Variants in CMTM7 observed in about 807,000 individuals in gnomAD.
CMTM7 encodes the protein CKLF like MARVEL transmembrane domain containing 7.
In CMTM7, 7 loss-of-function variants were observed where a neutral mutation model predicts 19.3. The observed-to-expected ratio is 0.36, with a 90% confidence interval of 0.21 to 0.68. CMTM7 has a LOEUF of 0.68. Among genes scored for constraint, CMTM7 ranks in the 30% least tolerant of loss-of-function variants. CMTM7 has a pLI of 0.60. For synonymous variants in CMTM7, 87 were observed against 99.3 expected, an observed-to-expected ratio of 0.88 and a Z score of 0.74; for missense variants, 193 against 232.6, an observed-to-expected ratio of 0.83 and a Z score of 1.11.
At chr3:32,396,225 G>T (rs1236290748) in intron 1 of CMTM7, among the ~76,000 whole-genome samples, 2 of 152,130 alleles carry the variant, frequency 1.3e-5, no homozygotes, top group Middle Eastern at 3.2e-3. Flanking sequence ...TGGTGATGGT[G>T]CCAGGTGCGG....
At chr3:32,440,926 A>C (rs1241938374) in intron 1 of CMTM7, among the ~76,000 whole-genome samples, 1 of 152,184 alleles carries the variant, frequency 6.6e-6, no homozygotes, top group Non-Finnish European at 1.5e-5. Flanking sequence ...TACTCATTCT[A>C]CTTTCTTGTA....
At chr3:32,448,704 A>G (rs559928249) in intron 2 of CMTM7, among the ~76,000 whole-genome samples, 1 of 152,238 alleles carries the variant, frequency 6.6e-6, no homozygotes, top group East Asian at 1.9e-4. Context: ...AGGTGGAACC[A>G]GTCCTGCCAG....
At chr3:32,408,919 T>C (rs1696131683) in intron 1 of CMTM7, among the ~76,000 whole-genome samples, 1 of 152,096 alleles carries the variant, frequency 6.6e-6, no homozygotes, top group Non-Finnish European at 1.5e-5. Context: ...AGTCTCGCTC[T>C]GTCGCCAGGC....
intron 1 of CMTM7, among the ~76,000 whole-genome samples, chr3:32,426,079 A>AG (rs1696427786): frequency 6.6e-6 from 1 of 152,224 alleles, no homozygotes. Flanking sequence ...TGGGAGGCAG[A>AG]GTTTGCGGTG....
chr3:32,395,109 T>C (rs1471738974), intron 1 of CMTM7, among the ~76,000 whole-genome samples: 2 of 149,770 alleles, frequency 1.3e-5, no homozygotes, highest in African/African-American at 2.5e-5. Context: ...GGCTCGGCGA[T>C]TGTCCCACCT....
chr3:32,429,663 C>A (rs1238089601), intron 1 of CMTM7, among the ~76,000 whole-genome samples: 1 of 147,574 alleles, frequency 6.8e-6, no homozygotes, highest in South Asian at 2.2e-4. Context: ...TGCAGTGGCG[C>A]GATCTTGGCT....
intron 1 of CMTM7, among the ~76,000 whole-genome samples, chr3:32,441,553 G>A (rs944276465): frequency 1.7e-4 from 26 of 152,160 alleles, no homozygotes; most frequent in African/African-American, 6.3e-4. Context: ...TTGTTTTCCT[G>A]CTTCTTCTGA....
chr3:32,408,886 A>G (rs975583314), intron 1 of CMTM7, among the ~76,000 whole-genome samples: 2 of 151,714 alleles, frequency 1.3e-5, no homozygotes, highest in African/African-American at 2.4e-5. Flanking sequence ...ATATTTTTGT[A>G]ACTTTTTTTT....
At chr3:32,430,785 G>T (rs1437982246) in intron 1 of CMTM7, among the ~76,000 whole-genome samples, 7 of 151,740 alleles carry the variant, frequency 4.6e-5, no homozygotes, top group African/African-American at 1.7e-4. Flanking sequence ...GGACAGGAGA[G>T]AGTGAACGTG....
intron 1 of CMTM7, among the ~76,000 whole-genome samples, chr3:32,395,568 C>G (rs1695903286): frequency 6.6e-6 from 1 of 152,144 alleles, no homozygotes; most frequent in Non-Finnish European, 1.5e-5. Flanking sequence ...GTTAATAGTT[C>G]TAGGGATATA....
Position 32,454,378 on chromosome 3 carries a change from C to A in CMTM7, c.*124C>A. ...TCAGGCTGGTGGGCACCAGGAAAGG[C>A]CTGCACCCTCTTCCTGCTCTCCCAG... On this transcript the variant is annotated 3_prime_UTR_variant, in exon 5 of 5. Coordinates refer to ENST00000334983, the MANE Select transcript of CMTM7 (RefSeq NM_138410.4). 8.6e-7 allele frequency: 1 copy of A among 1,164,334 alleles called. No homozygotes were observed. The highest frequency in any genetic ancestry group is 1.3e-6 in the Non-Finnish European group (1 of 787,650). 72.1% of individuals were successfully genotyped at this position (1,164,334 alleles called of 1,614,324 possible).
chr3:32,401,787 C>T (rs995819522), intron 1 of CMTM7, among the ~76,000 whole-genome samples: 1 of 152,222 alleles, frequency 6.6e-6, no homozygotes, highest in South Asian at 2.1e-4. Flanking sequence ...GCAGGGCTCG[C>T]GGCGTCCGCG....
chr3:32,429,237 C>G (rs550473977), intron 1 of CMTM7, among the ~76,000 whole-genome samples: 41 of 151,084 alleles, frequency 2.7e-4, no homozygotes, highest in Non-Finnish European at 5.2e-4. Flanking sequence ...CCTTTTTTCC[C>G]CCTCCCCTCT....
intron 1 of CMTM7, among the ~76,000 whole-genome samples, chr3:32,426,455 G>A (rs1696434638): frequency 6.6e-6 from 1 of 152,136 alleles, no homozygotes; most frequent in Non-Finnish European, 1.5e-5. Flanking sequence ...AAAGCATGAA[G>A]GGGAAATAAT....
At chr3:32,405,845 C>T (rs1170038458) in intron 1 of CMTM7, among the ~76,000 whole-genome samples, 2 of 152,232 alleles carry the variant, frequency 1.3e-5, no homozygotes, top group Non-Finnish European at 2.9e-5. Flanking sequence ...GTGGTGTTTT[C>T]TTGGAGCAAG....
chr3:32,426,944 A>G (rs1441026359), intron 1 of CMTM7, among the ~76,000 whole-genome samples: 6 of 152,228 alleles, frequency 3.9e-5, no homozygotes, highest in Non-Finnish European at 2.9e-5. Context: ...GATGTGCTAT[A>G]TTATATACTT....
Position 32,447,745 on chromosome 3 carries a change from C to A in CMTM7, c.334-1709C>A, listed in dbSNP as rs529401179. Among the ~76,000 whole-genome samples the A allele has an allele frequency of 2.6e-5, 4 of 152,162 alleles. No homozygotes were observed. In the East Asian group the frequency reaches 7.7e-4, roughly 29 times the overall value. On this transcript the variant is annotated intron_variant, in intron 2 of 4. Coordinates refer to ENST00000334983, the MANE Select transcript of CMTM7 (RefSeq NM_138410.4). ...TATTTTGTCTGATGCAGTGTAGACA[C>A]CCTGGCTTTCTTTTGGTTGTTGTTT...
chr3:32,408,126 G>A (rs115281829), intron 1 of CMTM7, among the ~76,000 whole-genome samples: 13 of 152,304 alleles, frequency 8.5e-5, no homozygotes, highest in East Asian at 3.9e-4. Flanking sequence ...GTGGCGATGC[G>A]TCAAGGAAGT....
chr3:32,395,036 G>C (rs1239649588), intron 1 of CMTM7, among the ~76,000 whole-genome samples: 1 of 151,122 alleles, frequency 6.6e-6, no homozygotes, highest in Non-Finnish European at 1.5e-5. Context: ...AGAGGGTCTT[G>C]CTCTGTCACC....
Sources: gnomAD v4.1 joint callset for allele counts (sites outside exome capture counted in the v4.1 genomes callset) on GRCh38, gnomAD v4.1.1 for gene constraint, MANE v1.5 for transcripts, NCBI Gene and HGNC (gene_info 2026-07-23, HGNC 2026-07-21) for gene names.